The following IQCM variants were observed in gnomAD, a reference collection of about 807,000 sequenced individuals.
The protein encoded by IQCM is IQ domain-containing protein M.
Under a neutral mutation model 57.6 loss-of-function variants are expected in IQCM, and 45 were observed. That is an observed-to-expected ratio of 0.78 (90% CI 0.62 to 1.00). IQCM has a LOEUF of 1.00. IQCM is among the 50% of genes least tolerant of loss of function. The probability of loss-of-function intolerance (pLI) is 0.00; values close to 1 mark genes in which losing one functional copy is unlikely to be tolerated. For synonymous variants in IQCM, 148 were observed against 158.9 expected (o/e 0.93, Z 0.51); for missense variants, 468 against 511.6 (o/e 0.91, Z 0.82).
intron 13 of IQCM, among the ~76,000 whole-genome samples, chr4:149,385,514 C>A (rs1407815294): frequency 6.6e-6 from 1 of 152,022 alleles, no homozygotes; most frequent in Non-Finnish European, 1.5e-5. Flanking sequence ...GGATCAATCA[C>A]AAATTTATAT....
At chr4:149,585,643 A>C (rs542816653) in intron 9 of IQCM, among the ~76,000 whole-genome samples, 2 of 151,770 alleles carry the variant, frequency 1.3e-5, no homozygotes, top group East Asian at 3.9e-4. Flanking sequence ...ACTCAAGTTT[A>C]ATAATTTATT....
chr4:149,471,254 C>T (rs1021384156), intron 12 of IQCM, among the ~76,000 whole-genome samples: 1 of 152,048 alleles, frequency 6.6e-6, no homozygotes, highest in Non-Finnish European at 1.5e-5. Flanking sequence ...AGAGAAGAAT[C>T]AAATAGACAC....
chr4:149,465,598 T>C (rs1041460736), intron 12 of IQCM, among the ~76,000 whole-genome samples: 1 of 152,160 alleles, frequency 6.6e-6, no homozygotes, highest in Non-Finnish European at 1.5e-5. Flanking sequence ...GAAGGTGCCT[T>C]TGAGAGAAAG....
At chr4:149,504,679 C>T (rs1268631226) in intron 12 of IQCM, among the ~76,000 whole-genome samples, 3 of 152,040 alleles carry the variant, frequency 2.0e-5, no homozygotes, top group African/African-American at 7.3e-5. Flanking sequence ...TTTGGGAAGC[C>T]GAGGCAGGTG....
At chr4:149,574,948 T>C (rs545173921) in intron 9 of IQCM, among the ~76,000 whole-genome samples, 1 of 152,060 alleles carries the variant, frequency 6.6e-6, no homozygotes. Flanking sequence ...AGATCTGTGA[T>C]GCCTCCCTCC....
intron 9 of IQCM, among the ~76,000 whole-genome samples, chr4:149,579,333 C>T (rs1327113702): frequency 6.6e-6 from 1 of 151,660 alleles, no homozygotes; most frequent in Non-Finnish European, 1.5e-5. Flanking sequence ...ATTTCTATTC[C>T]AGGGGAGAAA....
chr4:149,440,722 G>T (rs1735857343), intron 12 of IQCM, among the ~76,000 whole-genome samples: 1 of 151,950 alleles, frequency 6.6e-6, no homozygotes, highest in Non-Finnish European at 1.5e-5. Context: ...TGGATTTTTT[G>T]AAATGAATTC....
chr4:149,386,523 T>C (rs138610922), intron 13 of IQCM, among the ~76,000 whole-genome samples: 1 of 152,180 alleles, frequency 6.6e-6, no homozygotes, highest in African/African-American at 2.4e-5. Context: ...CATACTGCAA[T>C]TGTCATTATC....
intron 7 of IQCM, among the ~76,000 whole-genome samples, chr4:149,662,921 T>C (rs1393272126): frequency 6.6e-6 from 1 of 152,004 alleles, no homozygotes; most frequent in Non-Finnish European, 1.5e-5. Flanking sequence ...TATTGATAGA[T>C]AAGAACTTAC....
chr4:149,377,443 C>T (rs1256699615), intron 13 of IQCM, among the ~76,000 whole-genome samples: 1 of 152,116 alleles, frequency 6.6e-6, no homozygotes, highest in East Asian at 1.9e-4. Context: ...TTTCCTCCTA[C>T]CTTATTGAGC....
At chr4:149,585,164 A>G (rs80289398) in intron 9 of IQCM, among the ~76,000 whole-genome samples, 2,391 of 151,816 alleles carry the variant, frequency 0.016, 78 homozygotes, top group South Asian at 0.15. Flanking sequence ...ATAGTAATAT[A>G]TGTGTGACAT....
chr4:149,472,831 A>G (rs897356074), intron 12 of IQCM, among the ~76,000 whole-genome samples: 6 of 152,202 alleles, frequency 3.9e-5, no homozygotes, highest in East Asian at 1.9e-4. Flanking sequence ...ATCTACAATG[A>G]TCTGATCTTT....
At chr4:149,660,415 T>A (rs1760073533) in intron 7 of IQCM, among the ~76,000 whole-genome samples, 1 of 151,800 alleles carries the variant, frequency 6.6e-6, no homozygotes, top group Admixed American at 6.6e-5. Flanking sequence ...ATTGTGGAAG[T>A]CAGTGTGGCG....
At chr4:149,490,595 C>A (rs1741991623) in intron 12 of IQCM, among the ~76,000 whole-genome samples, 1 of 152,022 alleles carries the variant, frequency 6.6e-6, no homozygotes, top group Non-Finnish European at 1.5e-5. Context: ...CATTATTCAG[C>A]TTTGACTGAA....
chr4:149,438,187 A>G (rs1212437338), intron 12 of IQCM, among the ~76,000 whole-genome samples: 1 of 152,022 alleles, frequency 6.6e-6, no homozygotes, highest in East Asian at 1.9e-4. Flanking sequence ...TACTGGTACT[A>G]TTAACTAAAT....
intron 5 of IQCM, among the ~76,000 whole-genome samples, chr4:149,698,456 A>G (rs1763506146): frequency 6.6e-6 from 1 of 152,130 alleles, no homozygotes; most frequent in Admixed American, 6.5e-5. Flanking sequence ...AGCTGAATTA[A>G]ATGCTTAAGA....
At chr4:149,602,003 A>C (rs961794514) in intron 8 of IQCM, among the ~76,000 whole-genome samples, 1 of 150,370 alleles carries the variant, frequency 6.7e-6, no homozygotes, top group Non-Finnish European at 1.5e-5. Flanking sequence ...ACAGTGAGCC[A>C]AGATTGTGCC....
chr4:149,419,088 G>A (rs1461670826), intron 13 of IQCM, among the ~76,000 whole-genome samples: 2 of 152,024 alleles, frequency 1.3e-5, no homozygotes, highest in South Asian at 4.1e-4. Context: ...GAGGTTCAAT[G>A]CTACACCCAT....
chr4:149,731,709 G>A (rs1431383754), intron 5 of IQCM, among the ~76,000 whole-genome samples: 2 of 152,190 alleles, frequency 1.3e-5, no homozygotes, highest in East Asian at 3.9e-4. Context: ...ACATTAACTG[G>A]TATAATGTGG....
Sources: allele counts gnomAD v4.1 joint callset (sites outside exome capture counted in the v4.1 genomes callset), GRCh38; gene constraint gnomAD v4.1.1; transcripts MANE v1.5; gene names NCBI Gene and HGNC (gene_info 2026-07-23, HGNC 2026-07-21).